Variants in DNAH7 observed in about 807,000 individuals in gnomAD.
DNAH7 encodes the protein dynein axonemal heavy chain 7.
DNAH7 carries 397 observed loss-of-function variants against 444.6 expected under a neutral mutation model. The observed-to-expected ratio is 0.89, with a 90% CI of 0.82 to 0.97. The LOEUF is 0.97. DNAH7 is among the 50% of genes least tolerant of loss of function. The pLI, the probability that DNAH7 is intolerant of heterozygous loss-of-function variation, is 0.00. For missense variants in DNAH7, 4,902 were observed against 4,800.8 expected, an observed-to-expected ratio of 1.02 and a Z score of -0.62; for synonymous variants, 1,636 against 1,624.4, an observed-to-expected ratio of 1.01 and a Z score of -0.17.
At chr2:195,916,336 T>C (rs1687670794) in intron 24 of DNAH7, among the ~76,000 whole-genome samples, 1 of 152,008 alleles carries the variant, frequency 6.6e-6, no homozygotes, top group Admixed American at 6.6e-5. Flanking sequence ...ATTTCTTTTC[T>C]TTTTTTTGAG....
chr2:195,797,591 G>A (rs1696219041), intron 55 of DNAH7, among the ~76,000 whole-genome samples: 1 of 152,136 alleles, frequency 6.6e-6, no homozygotes, highest in South Asian at 2.1e-4. Context: ...TTGACTAGGA[G>A]GTGAGTCCTT....
At chr2:195,993,348 T>G (rs769186263) in intron 12 of DNAH7, among the ~76,000 whole-genome samples, 20 of 152,188 alleles carry the variant, frequency 1.3e-4, no homozygotes, top group Non-Finnish European at 2.5e-4. Flanking sequence ...TGTGAATTTG[T>G]AAAATTTCCT....
chr2:195,968,925 C>T (rs543252544), intron 17 of DNAH7, among the ~76,000 whole-genome samples: 1 of 152,218 alleles, frequency 6.6e-6, no homozygotes, highest in Non-Finnish European at 1.5e-5. Flanking sequence ...GAGTTCAATG[C>T]AAAGTCCCCC....
chr2:195,843,582 A>T (rs1450105898), intron 47 of DNAH7, among the ~76,000 whole-genome samples: 1 of 152,132 alleles, frequency 6.6e-6, no homozygotes, highest in Non-Finnish European at 1.5e-5. Context: ...CAGCTATAGG[A>T]ATTAGCTTGT....
chr2:195,951,928 A>C (rs1000286516), intron 19 of DNAH7, among the ~76,000 whole-genome samples: 2 of 152,140 alleles, frequency 1.3e-5, no homozygotes, highest in Admixed American at 1.3e-4. Context: ...TAGCCTGCTT[A>C]CATTTAAGGT....
intron 47 of DNAH7, among the ~76,000 whole-genome samples, chr2:195,840,887 T>A (rs1698644758): frequency 6.6e-6 from 1 of 151,846 alleles, no homozygotes; most frequent in East Asian, 1.9e-4. Context: ...TAGATTCAAT[T>A]AGTACCAATA....
In DNAH7 at chr2:196,041,933, T is replaced by C. The variant is rs367794333; in HGVS notation, c.398+5419A>G. Among the ~76,000 whole-genome samples the C allele has an allele frequency of 7.9e-5, 12 of 152,180 alleles. No individual in the cohort carries two copies. The South Asian group carries it at 2.5e-3, about 31-fold the overall frequency. ...AATAGATATTTCTCCAAAGAAGATG[T>C]ACATATGGCCAACAGATGTGTGAAA... On this transcript the variant is annotated intron_variant, in intron 5 of 64. Transcript: ENST00000312428.
intron 5 of DNAH7, among the ~76,000 whole-genome samples, chr2:196,031,452 T>A (rs1575064269): frequency 1.3e-5 from 2 of 152,376 alleles, no homozygotes; most frequent in South Asian, 2.1e-4. Flanking sequence ...TTGATACTTA[T>A]GCAAATTTCT....
At chr2:195,838,308 AAAATTACTCAACACAC>A (rs1698490245) in intron 47 of DNAH7, among the ~76,000 whole-genome samples, 2 of 152,150 alleles carry the variant, frequency 1.3e-5, no homozygotes, top group Non-Finnish European at 2.9e-5. Context: ...GATGCAATCC[AAAATTACTCAACACAC>A]AAAGAATAAG....
chr2:196,028,119 A>G (rs1695805637), intron 5 of DNAH7, 72 bp from the exon 6 acceptor site: 2 of 1,169,412 alleles, frequency 1.7e-6, no homozygotes, highest in African/African-American at 3.1e-5. Context: ...TGGATATAGG[A>G]ACACCAGGAC....
chr2:195,880,237 GA>G (rs1701293843), intron 36 of DNAH7, among the ~76,000 whole-genome samples: 1 of 151,606 alleles, frequency 6.6e-6, no homozygotes. Flanking sequence ...CCATGTCCAG[GA>G]ATCTTAGGAT....
At chr2:195,886,971 G>C (rs1324695041) in intron 33 of DNAH7, among the ~76,000 whole-genome samples, 2 of 152,148 alleles carry the variant, frequency 1.3e-5, no homozygotes, top group Non-Finnish European at 2.9e-5. Context: ...TTCATGTTCA[G>C]TTGCCACCCC....
At chr2:195,791,263 C>T (rs375677794) in intron 57 of DNAH7, among the ~76,000 whole-genome samples, 2 of 151,214 alleles carry the variant, frequency 1.3e-5, no homozygotes, top group African/African-American at 2.4e-5. Flanking sequence ...GTCAGGAGAT[C>T]GAGACCATCC....
intron 48 of DNAH7, among the ~76,000 whole-genome samples, chr2:195,829,310 TA>T (rs1697946906): frequency 6.6e-6 from 1 of 151,804 alleles, no homozygotes; most frequent in South Asian, 2.1e-4. Flanking sequence ...TGTTTATAAA[TA>T]TGATAATTTT....
intron 15 of DNAH7, among the ~76,000 whole-genome samples, chr2:195,974,273 G>A (rs1316805624): frequency 2.0e-5 from 3 of 152,110 alleles, no homozygotes; most frequent in Non-Finnish European, 4.4e-5. Context: ...GTAACAAAAT[G>A]TCTAACTGAA....
At chr2:195,833,602 C>G (rs1698175517) in intron 48 of DNAH7, among the ~76,000 whole-genome samples, 2 of 152,144 alleles carry the variant, frequency 1.3e-5, no homozygotes, top group Admixed American at 6.5e-5. Context: ...CCAATTTACT[C>G]AAATCACAAG....
chr2:196,037,466 C>T (rs1696468497), intron 5 of DNAH7, among the ~76,000 whole-genome samples: 1 of 152,024 alleles, frequency 6.6e-6, no homozygotes, highest in South Asian at 2.1e-4. Context: ...GAAAACTCAG[C>T]AAGATACAAG....
rs1287629499 is a variant in DNAH7 at position 196,048,517 on chromosome 2, C to A, written c.142-113G>T. On this transcript the variant is annotated intron_variant, in intron 3 of 64. Coordinates refer to ENST00000312428, the MANE Select transcript of DNAH7 (RefSeq NM_018897.3). Reference sequence around the variant, plus strand: ...CATTTTCTCAAACAGATCAGAACATCTGGATAGAAAATACTCAACAGTAGA... The same window carrying A: ...CATTTTCTCAAACAGATCAGAACATATGGATAGAAAATACTCAACAGTAGA... 1.5e-5 allele frequency: 12 copies of A among 825,860 alleles called. No homozygotes were observed. The Admixed American group carries it at 2.6e-4, about 18-fold the overall frequency. The allele number at this position is 825,860 out of a possible 1,614,324, so 51.2% of individuals were successfully genotyped here.
Position 195,888,364 on chromosome 2 carries a change from A to G in DNAH7, c.5300T>C (p.Val1767Ala), listed in dbSNP as rs1407090388. 1 of 1,609,212 alleles carries G rather than the reference A, an allele frequency of 6.2e-7. No homozygotes were observed. The highest frequency in any genetic ancestry group is 8.5e-7 in the Non-Finnish European group (1 of 1,178,548). ...ACTGACTGACGCAGGTAACAGATTCACCCAGGACAACATCAGTGGTCTCCA... is the reference window on the plus strand; with the variant it reads ...ACTGACTGACGCAGGTAACAGATTCGCCCAGGACAACATCAGTGGTCTCCA... ...LGWRPLMLSWVNLLPASVSVI... is the reference protein window; with the variant it reads ...LGWRPLMLSWANLLPASVSVI... The change falls in exon 33 of 65, where the codon GTG becomes GCG. Residue 1767 changes from valine to alanine, a missense_variant. Val to Ala is a moderately conservative substitution (Grantham distance 64). Transcript: ENST00000312428.
Sources: gnomAD v4.1 joint callset for allele counts (sites outside exome capture counted in the v4.1 genomes callset) on GRCh38, gnomAD v4.1.1 for gene constraint, MANE v1.5 for transcripts, NCBI Gene and HGNC (gene_info 2026-07-23, HGNC 2026-07-21) for gene names.